The following ALK variants were observed in gnomAD, a reference collection of about 807,000 sequenced individuals.
ALK encodes the protein ALK receptor tyrosine kinase.
A neutral mutation model predicts 163.1 loss-of-function variants in ALK; 74 were observed. The ratio of observed to expected loss-of-function variants is 0.45; its 90% CI spans 0.38 to 0.55. The LOEUF (loss-of-function observed/expected upper bound fraction) is 0.55. ALK is among the 20% of genes least tolerant of loss of function. The pLI, the probability that ALK is intolerant of heterozygous loss-of-function variation, is 0.00. For synonymous variants in ALK, 960 were observed against 843.2 expected, an observed-to-expected ratio of 1.14 and a Z score of -2.40; for missense variants, 2,063 against 2,105.3, an observed-to-expected ratio of 0.98 and a Z score of 0.39.
rs73921107 is a variant in ALK, at chr2:29,573,301, A to G, written c.953-41185T>C. On this transcript the variant is annotated intron_variant, in intron 3 of 28. Coordinates refer to ENST00000389048, the MANE Select transcript of ALK (RefSeq NM_004304.5). ...CGTTGGTTTGGTCACTCCTTCAACA[A>G]TTATTTACTAGGCACCTGCTCTGTG... 1.4e-3 allele frequency among the ~76,000 whole-genome samples: 211 copies of G among 152,354 alleles called. 1 individual carries two copies. The highest frequency in any genetic ancestry group is 4.6e-3 in the African/African-American group (192 of 41,576).
chr2:29,380,447 T>C (rs1289193748), intron 5 of ALK, among the ~76,000 whole-genome samples: 1 of 151,708 alleles, frequency 6.6e-6, no homozygotes, highest in African/African-American at 2.4e-5. Context: ...AGACGGAGTT[T>C]CACTCTTGTT....
intron 26 of ALK, among the ~76,000 whole-genome samples, chr2:29,203,766 G>A (rs1428805672): frequency 6.6e-6 from 1 of 151,902 alleles, no homozygotes; most frequent in Non-Finnish European, 1.5e-5. Flanking sequence ...TTTCAGGTGT[G>A]AGCCACTGCG....
chr2:29,811,649 A>G (rs995707425), intron 1 of ALK, among the ~76,000 whole-genome samples: 3 of 152,182 alleles, frequency 2.0e-5, no homozygotes, highest in Non-Finnish European at 4.4e-5. Flanking sequence ...TCTAAAGCAC[A>G]AACACAATAA....
At chr2:29,272,394 TGGACAG>T (rs933441112) in intron 11 of ALK, among the ~76,000 whole-genome samples, 15 of 152,352 alleles carry the variant, frequency 9.8e-5, no homozygotes, top group Non-Finnish European at 1.8e-4. Flanking sequence ...ATGAAGCACC[TGGACAG>T]GATTTTCCCA....
chr2:29,863,608 A>AAAAT (rs1231932403), intron 1 of ALK, among the ~76,000 whole-genome samples: 2 of 152,326 alleles, frequency 1.3e-5, no homozygotes, highest in East Asian at 1.9e-4. Context: ...CTATTATCAA[A>AAAAT]AAATAAATAA....
intron 1 of ALK, among the ~76,000 whole-genome samples, chr2:29,911,289 T>C (rs575778789): frequency 4.5e-4 from 69 of 152,198 alleles, no homozygotes; most frequent in Non-Finnish European, 8.1e-4. Context: ...CTCATGATGG[T>C]GACCCTTCAG....
intron 9 of ALK, among the ~76,000 whole-genome samples, chr2:29,276,359 G>A (rs1279422694): frequency 1.3e-5 from 2 of 152,198 alleles, no homozygotes; most frequent in Non-Finnish European, 2.9e-5. Flanking sequence ...GGCCAGGGAA[G>A]GCCTTACAGT....
intron 3 of ALK, among the ~76,000 whole-genome samples, chr2:29,639,917 C>A (rs997287085): frequency 1.2e-4 from 19 of 152,202 alleles, no homozygotes; most frequent in African/African-American, 4.6e-4. Context: ...CCCAGAGTAA[C>A]AATGCCACCA....
intron 4 of ALK, among the ~76,000 whole-genome samples, chr2:29,413,155 T>C (rs1250990584): frequency 6.6e-6 from 1 of 152,160 alleles, no homozygotes; most frequent in Non-Finnish European, 1.5e-5. Flanking sequence ...GGGACCATGA[T>C]GAACAAAACA....
intron 2 of ALK, among the ~76,000 whole-genome samples, chr2:29,708,034 CT>C (rs1263377048): frequency 6.6e-6 from 1 of 152,062 alleles, no homozygotes; most frequent in African/African-American, 2.4e-5. Flanking sequence ...GCTGGAAGAC[CT>C]TTTGTTGGGA....
intron 4 of ALK, among the ~76,000 whole-genome samples, chr2:29,436,283 A>G (rs1670395266): frequency 1.3e-5 from 2 of 152,170 alleles, no homozygotes; most frequent in Admixed American, 1.3e-4. Context: ...GATAAATGTC[A>G]GCTGATATTG....
intron 5 of ALK, among the ~76,000 whole-genome samples, chr2:29,344,259 C>T (rs1667883272): frequency 6.6e-6 from 1 of 152,158 alleles, no homozygotes; most frequent in Non-Finnish European, 1.5e-5. Flanking sequence ...CTTTAAAAAT[C>T]CTCTCGAGAG....
In ALK at chr2:29,213,858, C is replaced by A. The variant is rs1669527619; in HGVS notation, c.3743+126G>T. On this transcript the variant is annotated intron_variant, in intron 24 of 28. Transcript: ENST00000389048. ...AAAACAAAGCTGAATCATCCTACAT[C>A]CAAATGGCTCTGGAGGGAGACCTAG... 5 of 816,234 alleles carry A rather than the reference C, an allele frequency of 6.1e-6. No homozygotes were observed. In the Admixed American group the frequency reaches 9.6e-5, roughly 16 times the overall value. The allele number at this position is 816,234 out of a possible 1,614,324, so 50.6% of individuals were successfully genotyped here. A position where few individuals can be genotyped will look rare whatever the true frequency, so the allele number is the denominator to read the frequency against.
chr2:29,362,162 C>T (rs1668402999), intron 5 of ALK, among the ~76,000 whole-genome samples: 1 of 152,098 alleles, frequency 6.6e-6, no homozygotes, highest in Admixed American at 6.5e-5. Context: ...TCGAAGAGAA[C>T]AGGGGGAAAG....
chr2:29,696,589 G>A (rs1678571298), intron 2 of ALK, among the ~76,000 whole-genome samples: 1 of 148,508 alleles, frequency 6.7e-6, no homozygotes, highest in Non-Finnish European at 1.5e-5. Context: ...AGCATGCTTT[G>A]CAGAGGAGGA....
chr2:29,267,972 T>C (rs775676275), intron 11 of ALK, among the ~76,000 whole-genome samples: 5 of 152,204 alleles, frequency 3.3e-5, no homozygotes, highest in Non-Finnish European at 4.4e-5. Flanking sequence ...GAGCCCAGAG[T>C]TCCTGGATCA....
chr2:29,565,985 C>A (rs10180728), intron 3 of ALK, among the ~76,000 whole-genome samples: 2 of 152,076 alleles, frequency 1.3e-5, no homozygotes, highest in East Asian at 3.9e-4. Flanking sequence ...CTTACTTCTT[C>A]GAGTGACTCT....
intron 1 of ALK, among the ~76,000 whole-genome samples, chr2:29,871,567 A>G (rs1666576766): frequency 1.3e-5 from 2 of 152,198 alleles, no homozygotes. Context: ...AGAACCTCTG[A>G]TTCTAGAATC....
intron 1 of ALK, among the ~76,000 whole-genome samples, chr2:29,762,898 C>A (rs1036169727): frequency 1.3e-5 from 2 of 151,998 alleles, no homozygotes; most frequent in African/African-American, 4.8e-5. Context: ...ACCATCCTGG[C>A]CAACATGGTG....
Sources: gnomAD v4.1 joint callset for allele counts (sites outside exome capture counted in the v4.1 genomes callset) on GRCh38, gnomAD v4.1.1 for gene constraint, MANE v1.5 for transcripts, NCBI Gene and HGNC (gene_info 2026-07-23, HGNC 2026-07-21) for gene names.